CDH4: variants seen among roughly 807,000 people sequenced by gnomAD.
The protein encoded by CDH4 is cadherin 4, also known as cadherin-4.
CDH4 carries 33 observed loss-of-function variants against 86.0 expected under a neutral mutation model. That is an observed-to-expected ratio of 0.38 (90% CI 0.29 to 0.51). CDH4 has a LOEUF of 0.51. Ranked by LOEUF, CDH4 falls within the 20% of genes least tolerant of loss-of-function variation. The pLI is 0.86. For missense variants in CDH4, 1,114 were observed against 1,307.4 expected (o/e 0.85, Z 2.28); for synonymous variants, 555 against 549.4 (o/e 1.01, Z -0.14).
intron 2 of CDH4, among the ~76,000 whole-genome samples, chr20:61,293,843 G>C (rs75617663): frequency 0.058 from 8,794 of 152,288 alleles, 377 homozygotes; most frequent in Non-Finnish European, 0.086. Context: ...CCCTCACCAG[G>C]GTGGCATCCT....
intron 7 of CDH4, among the ~76,000 whole-genome samples, chr20:61,881,371 C>T (rs1342007211): frequency 1.3e-5 from 2 of 152,188 alleles, no homozygotes; most frequent in East Asian, 1.9e-4. Context: ...AGTGTGGTCC[C>T]GGGCAGGGCT....
intron 2 of CDH4, among the ~76,000 whole-genome samples, chr20:61,522,116 C>T (rs933646795): frequency 5.3e-5 from 8 of 152,236 alleles, no homozygotes; most frequent in Admixed American, 1.3e-4. Context: ...TGGCCTCCCT[C>T]GTGACAGTGG....
chr20:61,743,249 C>T (rs568167291), intron 2 of CDH4, among the ~76,000 whole-genome samples: 1 of 152,340 alleles, frequency 6.6e-6, no homozygotes, highest in East Asian at 1.9e-4. Context: ...CTGTGCCGCT[C>T]ACAGACTCCG....
intron 2 of CDH4, among the ~76,000 whole-genome samples, chr20:61,742,881 T>C (rs954908757): frequency 6.6e-6 from 1 of 152,198 alleles, no homozygotes; most frequent in Non-Finnish European, 1.5e-5. Context: ...GCGGTATCAA[T>C]AGACTGTCTG....
In CDH4 at chr20:61,646,742, T is replaced by C. The variant is rs141568707; in HGVS notation, c.170-96821T>C. Among the ~76,000 whole-genome samples, 568 of 152,348 alleles carry C rather than the reference T, an allele frequency of 3.7e-3. 15 individuals carry two copies. Among genetic ancestry groups the C allele is most frequent in the Admixed American group, 0.031 (477 of 15,304 alleles). Reference sequence around the variant, plus strand: ...CCAGACACATCAGCCTCCAGTTCATTAAGGCCAAGAGCACTAAAAATTCTG... The same window carrying C: ...CCAGACACATCAGCCTCCAGTTCATCAAGGCCAAGAGCACTAAAAATTCTG... On this transcript the variant is annotated intron_variant, in intron 2 of 15. Coordinates refer to ENST00000614565, the MANE Select transcript of CDH4 (RefSeq NM_001794.5).
At chr20:61,451,140 G>A (rs75203682) in intron 2 of CDH4, among the ~76,000 whole-genome samples, 6,100 of 134,604 alleles carry the variant, frequency 0.045, 433 homozygotes, top group African/African-American at 0.17. Context: ...CCTTCCCTCC[G>A]TGTCATCCTG....
intron 2 of CDH4, among the ~76,000 whole-genome samples, chr20:61,301,978 A>G (rs1215156485): frequency 1.3e-5 from 2 of 152,270 alleles, no homozygotes; most frequent in South Asian, 2.1e-4. Flanking sequence ...CTGACTGACA[A>G]TATTGGAAGT....
At chr20:61,661,902 T>C (rs909511840) in intron 2 of CDH4, among the ~76,000 whole-genome samples, 1 of 152,176 alleles carries the variant, frequency 6.6e-6, no homozygotes, top group East Asian at 1.9e-4. Flanking sequence ...GCCGCGGTCC[T>C]GTAACATGCA....
intron 2 of CDH4, among the ~76,000 whole-genome samples, chr20:61,612,940 T>C (rs1369001184): frequency 1.3e-5 from 2 of 151,996 alleles, no homozygotes; most frequent in African/African-American, 4.8e-5. Context: ...GGAGCATTCT[T>C]CCATCATCTC....
Position 61,684,028 on chromosome 20 carries a change from G to T in CDH4, c.170-59535G>T, listed in dbSNP as rs1015473362. Among the ~76,000 whole-genome samples, 1 of 152,220 alleles carries T rather than the reference G, an allele frequency of 6.6e-6. No individual in the cohort carries two copies. The highest frequency in any genetic ancestry group is 1.5e-5 in the Non-Finnish European group (1 of 68,032). ...TGTCTGGGGAGGTGGGCGTGGCAGG[G>T]ACTACAGCCAGAGCTGGGTCTGTTT... is the stretch of plus-strand genomic sequence containing the variant. On this transcript the variant is annotated intron_variant, in intron 2 of 15. Transcript: ENST00000614565. This position sits in a 1 kb window ranked among gnomAD's most constrained non-coding sequence, Gnocchi z 4.5.
intron 2 of CDH4, among the ~76,000 whole-genome samples, chr20:61,535,459 A>T (rs1272535480): frequency 6.6e-6 from 1 of 152,232 alleles, no homozygotes; most frequent in Non-Finnish European, 1.5e-5. Flanking sequence ...ACAGAGAGGA[A>T]ATAATGGTTG....
chr20:61,563,734 G>A (rs899935618), intron 2 of CDH4, among the ~76,000 whole-genome samples: 5 of 152,166 alleles, frequency 3.3e-5, no homozygotes, highest in Non-Finnish European at 7.3e-5. Context: ...GGGAACACAG[G>A]GACAGCTCAC....
rs1600892549 is a variant in CDH4, at chr20:61,352,234, G to A, written c.169+97297G>A. ...TTAGCTTCTGTAAATAAGTGACAAT[G>A]TGCAAAGTTTGTCTTTCTGTCCTGC... is the stretch of plus-strand genomic sequence containing the variant. On this transcript the variant is annotated intron_variant, in intron 2 of 15. Coordinates refer to ENST00000614565, the MANE Select transcript of CDH4 (RefSeq NM_001794.5). Among the ~76,000 whole-genome samples, 3 of 152,216 alleles carry A rather than the reference G, an allele frequency of 2.0e-5. No homozygotes were observed. In the South Asian group the frequency reaches 6.2e-4, roughly 32 times the overall value.
Position 61,544,475 on chromosome 20 carries a change from G to A in CDH4, c.170-199088G>A, listed in dbSNP as rs923232095. On this transcript the variant is annotated intron_variant, in intron 2 of 15. Coordinates refer to ENST00000614565, the MANE Select transcript of CDH4 (RefSeq NM_001794.5). This position sits in a 1 kb window ranked among gnomAD's most constrained non-coding sequence, Gnocchi z 6.5. The stretch of plus-strand genomic sequence containing the variant: ...AGCGCAGTGGGAGCCGCAGGGCATC[G>A]GGGTCTTCGAAGGAAAGCCCGTGGA... 5.3e-5 allele frequency among the ~76,000 whole-genome samples: 8 copies of A among 151,780 alleles called. No homozygotes were observed. The highest frequency in any genetic ancestry group is 1.5e-4 in the African/African-American group (6 of 41,290).
intron 7 of CDH4, among the ~76,000 whole-genome samples, chr20:61,881,967 C>T (rs909485275): frequency 1.3e-5 from 2 of 152,160 alleles, no homozygotes; most frequent in Admixed American, 1.3e-4. Context: ...GCATGGAGAC[C>T]GAGGCAGAGA....
chr20:61,611,220 C>T (rs908093285), intron 2 of CDH4, among the ~76,000 whole-genome samples: 4 of 152,036 alleles, frequency 2.6e-5, no homozygotes, highest in African/African-American at 9.7e-5. Flanking sequence ...CCTTCCTCTC[C>T]CTGGGGATCA....
intron 6 of CDH4, among the ~76,000 whole-genome samples, chr20:61,864,764 C>A (rs573800871): frequency 1.3e-5 from 2 of 152,218 alleles, no homozygotes; most frequent in Non-Finnish European, 2.9e-5. Flanking sequence ...TATCTCCACC[C>A]ATCATTCCCT....
Position 61,901,905 on chromosome 20 carries a change from G to A in CDH4, c.1188+6858G>A, listed in dbSNP as rs140396122. On this transcript the variant is annotated intron_variant, in intron 8 of 15. Coordinates refer to ENST00000614565, the MANE Select transcript of CDH4 (RefSeq NM_001794.5). ...CTGGGCCTCAGTGGCACCACTGTCC[G>A]TCAGAGGTGGAAGTAAAGTTCGCAG... 5.7e-3 allele frequency among the ~76,000 whole-genome samples: 869 copies of A among 152,328 alleles called. 3 individuals are homozygous for A. The highest frequency in any genetic ancestry group is 7.8e-3 in the Non-Finnish European group (531 of 68,024).
intron 4 of CDH4, among the ~76,000 whole-genome samples, chr20:61,787,566 G>A (rs543531332): frequency 3.7e-4 from 56 of 152,324 alleles, no homozygotes; most frequent in African/African-American, 8.7e-4. Context: ...GGGCCACAGC[G>A]AAACCATATC....
Sources: allele counts gnomAD v4.1 joint callset (sites outside exome capture counted in the v4.1 genomes callset), GRCh38; gene constraint gnomAD v4.1.1; non-coding constraint Gnocchi (gnomAD v3.1); transcripts MANE v1.5; gene names NCBI Gene and HGNC (gene_info 2026-07-23, HGNC 2026-07-21).